Variants in AUTS2 observed in about 807,000 individuals in gnomAD.
AUTS2 encodes the protein activator of transcription and developmental regulator AUTS2.
Under a neutral mutation model 112.4 loss-of-function variants are expected in AUTS2, and 17 were observed. That is an observed-to-expected ratio of 0.15 (90% CI 0.10 to 0.23). The LOEUF is 0.23. Ranked by LOEUF, AUTS2 falls within the 10% of genes least tolerant of loss-of-function variation. AUTS2 has a pLI of 1.00. For synonymous variants in AUTS2, 751 were observed against 702.7 expected, an observed-to-expected ratio of 1.07 and a Z score of -1.09; for missense variants, 1,510 against 1,701.6, an observed-to-expected ratio of 0.89 and a Z score of 1.98.
intron 1 of AUTS2, among the ~76,000 whole-genome samples, chr7:69,849,973 T>C (rs1382439217): frequency 6.6e-6 from 1 of 152,090 alleles, no homozygotes; most frequent in African/African-American, 2.4e-5. Flanking sequence ...TTGTAATTGC[T>C]GAGTTTTATA....
intron 1 of AUTS2, among the ~76,000 whole-genome samples, chr7:69,626,367 T>C (rs1425341487): frequency 6.6e-6 from 1 of 152,206 alleles, no homozygotes; most frequent in African/African-American, 2.4e-5. Flanking sequence ...TCCAATTTTC[T>C]GTTATGTTTT....
rs1790049124 is a variant in AUTS2, at chr7:70,768,062, G to T, written c.1728G>T (p.Arg576=). Residue 576 remains arginine (R), a synonymous_variant, in exon 10 of 19, where the codon CGG becomes CGT. Coordinates refer to ENST00000342771, the MANE Select transcript of AUTS2 (RefSeq NM_015570.4). The part of the protein sequence containing the change: ...KYPTKVDPFY[R]HSLFHSYPPA... ...CTACAAAAGTTGACCCATTCTACCG[G>T]CACAGTGTGAGTTTCATTACCATGC... The T allele has an allele frequency of 1.2e-6, 2 of 1,603,138 alleles. No individual in the cohort carries two copies. Among genetic ancestry groups the T allele is most frequent in the Non-Finnish European group, 1.7e-6 (2 of 1,176,092 alleles).
rs2129067453 is a variant in AUTS2 at position 69,599,788 on chromosome 7, G to A, written c.135G>A (p.Ala45=). Residue 45 remains alanine (A), a synonymous_variant, in exon 1 of 19, where the codon GCG becomes GCA. Coordinates refer to ENST00000342771, the MANE Select transcript of AUTS2 (RefSeq NM_015570.4). This position sits in a 1 kb window ranked among gnomAD's most constrained non-coding sequence, Gnocchi z 7.0. ...AGGGGAGRTR[A]LSLASSSGSD... is the part of the protein sequence containing the mutation. Reference sequence around the variant, plus strand: ...GCGGCGGGGCTGGCCGGACCCGGGCGCTCTCACTCGCCTCGTCGTCGGGCT... The same window carrying A: ...GCGGCGGGGCTGGCCGGACCCGGGCACTCTCACTCGCCTCGTCGTCGGGCT... 1.3e-6 allele frequency: 2 copies of A among 1,557,626 alleles called. No homozygotes were observed. The highest frequency in any genetic ancestry group is 1.7e-6 in the Non-Finnish European group (2 of 1,154,328).
At chr7:69,986,951 T>C (rs567732917) in intron 2 of AUTS2, among the ~76,000 whole-genome samples, 1 of 152,148 alleles carries the variant, frequency 6.6e-6, no homozygotes, top group Non-Finnish European at 1.5e-5. Flanking sequence ...AAATAGTAGG[T>C]TCGATATTTA....
chr7:70,454,060 C>T (rs57489549), intron 5 of AUTS2, among the ~76,000 whole-genome samples: 19,502 of 152,042 alleles, frequency 0.13, 1,297 homozygotes, highest in Middle Eastern at 0.17. Flanking sequence ...TGTGGGTTGG[C>T]GTTGTGCTGT....
At chr7:69,978,037 G>C (rs1013607279) in intron 2 of AUTS2, among the ~76,000 whole-genome samples, 6 of 152,160 alleles carry the variant, frequency 3.9e-5, no homozygotes, top group African/African-American at 1.4e-4. Context: ...TCCCTAAGAT[G>C]CTTTTAAAAC....
At chr7:69,718,580 C>T (rs1412599067) in intron 1 of AUTS2, among the ~76,000 whole-genome samples, 1 of 152,158 alleles carries the variant, frequency 6.6e-6, no homozygotes, top group African/African-American at 2.4e-5. Flanking sequence ...TTTTAAGAAC[C>T]CTTGATTACA....
chr7:70,690,127 G>C (rs557458741), intron 5 of AUTS2, among the ~76,000 whole-genome samples: 2 of 152,348 alleles, frequency 1.3e-5, no homozygotes, highest in South Asian at 4.1e-4. Flanking sequence ...CTGAGGCAGG[G>C]AGAGTGAAGA....
intron 4 of AUTS2, among the ~76,000 whole-genome samples, chr7:70,243,232 TGTGTGTGTGTGTG>T (rs1391420257): frequency 9.3e-4 from 6 of 6,430 alleles, no homozygotes; most frequent in African/African-American, 2.8e-3. Context: ...AATGTATCCT[TGTGTGTGTGTGTG>T]TGTGTGTGTG....
chr7:69,633,357 A>T (rs1165473639), intron 1 of AUTS2, among the ~76,000 whole-genome samples: 1 of 152,076 alleles, frequency 6.6e-6, no homozygotes, highest in Non-Finnish European at 1.5e-5. Context: ...TTGCCTGTCG[A>T]CAGATGCTTA....
intron 4 of AUTS2, among the ~76,000 whole-genome samples, chr7:70,366,009 C>G (rs1471094857): frequency 1.3e-5 from 2 of 152,214 alleles, no homozygotes; most frequent in African/African-American, 4.8e-5. Flanking sequence ...AGTCATCATG[C>G]TATATTGTAG....
At chr7:70,191,097 T>C (rs1809855452) in intron 4 of AUTS2, among the ~76,000 whole-genome samples, 1 of 152,088 alleles carries the variant, frequency 6.6e-6, no homozygotes, top group South Asian at 2.1e-4. Context: ...ATTTCAGATA[T>C]TGTGCTCTTT....
intron 1 of AUTS2, among the ~76,000 whole-genome samples, chr7:69,629,337 C>T (rs1794115368): frequency 6.6e-6 from 1 of 152,152 alleles, no homozygotes; most frequent in Admixed American, 6.5e-5. Context: ...TCCCTTTCTT[C>T]AGGGCTGTTT....
chr7:69,819,923 A>C (rs986152363), intron 1 of AUTS2, among the ~76,000 whole-genome samples: 34 of 152,164 alleles, frequency 2.2e-4, no homozygotes, highest in Non-Finnish European at 1.5e-5. Context: ...TTATAACTCA[A>C]CTAGCTTCAT....
intron 4 of AUTS2, among the ~76,000 whole-genome samples, chr7:70,425,576 T>C (rs1376458926): frequency 6.6e-6 from 1 of 152,166 alleles, no homozygotes; most frequent in Non-Finnish European, 1.5e-5. Flanking sequence ...CCATAAATCA[T>C]CAAATTGTTG....
intron 5 of AUTS2, among the ~76,000 whole-genome samples, chr7:70,479,162 T>C (rs1317062101): frequency 6.6e-6 from 1 of 152,200 alleles, no homozygotes; most frequent in Non-Finnish European, 1.5e-5. Context: ...GTATCACTGT[T>C]AACCCTAGTG....
intron 4 of AUTS2, among the ~76,000 whole-genome samples, chr7:70,347,969 T>C (rs1791574789): frequency 6.6e-6 from 1 of 152,124 alleles, no homozygotes; most frequent in Admixed American, 6.5e-5. Flanking sequence ...TTGTCACCAG[T>C]TATAGGCTTG....
chr7:70,383,343 C>G (rs1793458040), intron 4 of AUTS2, among the ~76,000 whole-genome samples: 1 of 152,072 alleles, frequency 6.6e-6, no homozygotes, highest in Non-Finnish European at 1.5e-5. Context: ...GTTTAGAGAT[C>G]TTGAGAACAG....
At chr7:69,682,836 A>G (rs1332659212) in intron 1 of AUTS2, among the ~76,000 whole-genome samples, 1 of 152,180 alleles carries the variant, frequency 6.6e-6, no homozygotes, top group Non-Finnish European at 1.5e-5. Flanking sequence ...CTGCAGTCCC[A>G]GCACTTTGGG....
Sources: allele counts gnomAD v4.1 joint callset (sites outside exome capture counted in the v4.1 genomes callset), GRCh38; gene constraint gnomAD v4.1.1; non-coding constraint Gnocchi (gnomAD v3.1); transcripts MANE v1.5; gene names NCBI Gene and HGNC (gene_info 2026-07-23, HGNC 2026-07-21).